The following KIF18B variants were observed in gnomAD, a reference collection of about 807,000 sequenced individuals.
KIF18B encodes the protein kinesin family member 18B.
A neutral mutation model predicts 80.9 loss-of-function variants in KIF18B; 49 were observed. That is an observed-to-expected ratio of 0.61 (90% CI 0.48 to 0.77). The LOEUF (loss-of-function observed/expected upper bound fraction) is 0.77, where lower values mean the gene tolerates loss of function less well. Ranked by LOEUF, KIF18B falls within the 30% of genes least tolerant of loss-of-function variation. The probability of loss-of-function intolerance (pLI) is 0.00; values close to 1 mark genes in which losing one functional copy is unlikely to be tolerated. For synonymous variants in KIF18B, 439 were observed against 463.9 expected, an observed-to-expected ratio of 0.95 and a Z score of 0.69; for missense variants, 994 against 1,127.7, an observed-to-expected ratio of 0.88 and a Z score of 1.70.
intron 1 of KIF18B, among the ~76,000 whole-genome samples, chr17:44,945,700 T>C (rs1160549057): frequency 1.3e-5 from 2 of 151,560 alleles, no homozygotes; most frequent in Non-Finnish European, 2.9e-5. Flanking sequence ...ACGTCAGGAG[T>C]TTGAGACCAG....
At position 44,934,658 on chromosome 17, in the gene KIF18B, G is replaced by T; in HGVS notation, c.577-41C>A. 1 of 1,499,478 alleles carries T rather than the reference G, an allele frequency of 6.7e-7. No homozygotes were observed. Among genetic ancestry groups the T allele is most frequent in the South Asian group, 1.3e-5 (1 of 77,540 alleles). 92.9% of individuals were successfully genotyped at this position (1,499,478 alleles called of 1,614,324 possible). On this transcript the variant is annotated intron_variant, in intron 4 of 15. Coordinates refer to ENST00000593135, the MANE Select transcript of KIF18B (RefSeq NM_001265577.2). The surrounding 1 kb of genome is among the most constrained non-coding windows in gnomAD (Gnocchi z 5.4). ...CCAGGAACGGGGCTGTGGGTTCCCG[G>T]ATCAGGACTTTTCCCCTAACAGGAA... is the stretch of plus-strand genomic sequence containing the variant.
intron 2 of KIF18B, among the ~76,000 whole-genome samples, 177 bp downstream of exon 2, chr17:44,935,855 A>G (rs1394110039): frequency 6.6e-6 from 1 of 152,162 alleles, no homozygotes. Context: ...TGCCTCCCCC[A>G]TAGACTGAAT....
chr17:44,931,320 C>T (rs2052140880), intron 11 of KIF18B, among the ~76,000 whole-genome samples: 2 of 152,196 alleles, frequency 1.3e-5, no homozygotes. Flanking sequence ...AAGCGTAAGC[C>T]CCAGCCGCCC....
Position 44,934,295 on chromosome 17 carries a change from C to A in KIF18B, c.823G>T (p.Ala275Ser). The A allele has an allele frequency of 6.2e-7, 1 of 1,612,726 alleles. No homozygotes were observed. The highest frequency in any genetic ancestry group is 2.2e-5 in the East Asian group (1 of 44,846). Residue 275 changes from alanine to serine, a missense_variant, in exon 6 of 16, where the codon GCC becomes TCC. Ala to Ser is a moderately conservative substitution (Grantham distance 99). Transcript: ENST00000593135. This position sits in a 1 kb window ranked among gnomAD's most constrained non-coding sequence, Gnocchi z 5.4. ...GCCAGCAGAGAGCGGTTGATGTTGG[C>A]CCCCTCCCGCAGCCGCTCCCCCTTC... ...HAKGERLREG[A>S]NINRSLLALI...
At chr17:44,932,453 T>TA in intron 9 of KIF18B, 1 of 593,956 alleles carries the variant, frequency 1.7e-6, no homozygotes. Flanking sequence ...TTCTCTCGAA[T>TA]AGTAGGCCCT....
In KIF18B at chr17:44,927,900, A is replaced by T; in HGVS notation, c.2276+126T>A. ...CTGGGGAGCAAAGCGGATCACAACC[A>T]AAGTGGAACAGATAGGAACCGTCCC... On this transcript the variant is annotated intron_variant, in intron 13 of 15. Transcript: ENST00000593135. This position sits in a 1 kb window ranked among gnomAD's most constrained non-coding sequence, Gnocchi z 4.1. 1.2e-6 allele frequency: 1 copy of T among 868,594 alleles called. No homozygotes were observed. The highest frequency in any genetic ancestry group is 1.6e-6 in the Non-Finnish European group (1 of 612,340). 53.8% of individuals were successfully genotyped at this position (868,594 alleles called of 1,614,324 possible).
Position 44,926,407 on chromosome 17 carries a change from CA to C in KIF18B, c.2452+6del. 6.4e-7 allele frequency: 1 copy of C among 1,567,864 alleles called. No individual in the cohort carries two copies. Among genetic ancestry groups the C allele is most frequent in the Non-Finnish European group, 8.6e-7 (1 of 1,156,464 alleles). On this transcript the variant is annotated splice_donor_region_variant and intron_variant, in intron 15 of 15. Coordinates refer to ENST00000593135, the MANE Select transcript of KIF18B (RefSeq NM_001265577.2). ...CCCAGGCTATCCCTGTCCCTAGTGC[CA>C]GTCACCTGGGAGTACAAGGGGCCCA...
chr17:44,943,548 TAGTG>T lies in KIF18B; in HGVS notation c.-15+4076_-15+4079del, dbSNP rs138354777. 3.4e-3 allele frequency among the ~76,000 whole-genome samples: 518 copies of T among 152,308 alleles called. 4 individuals are homozygous for T. Among genetic ancestry groups the T allele is most frequent in the African/African-American group, 0.012 (508 of 41,572 alleles). ...GCACAATATTGAATAAAAGCAGTAATAGTGAGTATCCTTGCCCCTTTCCTGATTT... is the reference window on the plus strand; with the variant it reads ...GCACAATATTGAATAAAAGCAGTAATAGTATCCTTGCCCCTTTCCTGATTT... On this transcript the variant is annotated intron_variant, in intron 1 of 15. Coordinates refer to ENST00000593135, the MANE Select transcript of KIF18B (RefSeq NM_001265577.2).
chr17:44,929,933 G>A (rs145939588), intron 11 of KIF18B, among the ~76,000 whole-genome samples: 2 of 152,260 alleles, frequency 1.3e-5, no homozygotes, highest in East Asian at 1.9e-4. Flanking sequence ...TTTTCTTTCT[G>A]TAAGGCACAC....
At position 44,928,472 on chromosome 17, in the gene KIF18B, C is replaced by A; in HGVS notation, c.1830G>T (p.Pro610=). ...GGGCTGGGGTGCAGTTGGGTCCAGG[C>A]GGGATTCCCAGGGTGTGCAGGGGGC... ...LSGPLHTLGI[P]PGPNCTPAQG... is the part of the protein sequence containing the mutation. The change falls in exon 13 of 16, where the codon CCG becomes CCT. Residue 610 remains proline (P), a synonymous_variant. Coordinates refer to ENST00000593135, the MANE Select transcript of KIF18B (RefSeq NM_001265577.2). The A allele has an allele frequency of 6.5e-7, 1 of 1,527,674 alleles. No homozygotes were observed. The highest frequency in any genetic ancestry group is 8.8e-7 in the Non-Finnish European group (1 of 1,142,118). 94.6% of individuals were successfully genotyped at this position (1,527,674 alleles called of 1,614,324 possible).
At position 44,934,469 on chromosome 17, in the gene KIF18B, CA is replaced by C. The variant is rs1375951059; in HGVS notation, c.687+37del. The C allele has an allele frequency of 5.6e-6, 9 of 1,605,030 alleles. No homozygotes were observed. Among genetic ancestry groups the C allele is most frequent in the Non-Finnish European group, 7.7e-6 (9 of 1,174,544 alleles). Reference sequence around the variant, plus strand: ...GCAGGGGTGAGGGGGAGATGGGCATCAGGGGCACTGGTTTCAGGCTCTGACC... The same window carrying C: ...GCAGGGGTGAGGGGGAGATGGGCATCGGGGCACTGGTTTCAGGCTCTGACC... On this transcript the variant is annotated intron_variant, in intron 5 of 15. Coordinates refer to ENST00000593135, the MANE Select transcript of KIF18B (RefSeq NM_001265577.2). This position sits in a 1 kb window ranked among gnomAD's most constrained non-coding sequence, Gnocchi z 5.4.
At position 44,928,376 on chromosome 17, in the gene KIF18B, G is replaced by A; in HGVS notation, c.1926C>T (p.Ala642=). 1 of 1,584,806 alleles carries A rather than the reference G, an allele frequency of 6.3e-7. No individual in the cohort carries two copies. Among genetic ancestry groups the A allele is most frequent in the Non-Finnish European group, 8.6e-7 (1 of 1,167,268 alleles). The change falls in exon 13 of 16, where the codon GCC becomes GCT. Residue 642 remains alanine (A), a synonymous_variant. Coordinates refer to ENST00000593135, the MANE Select transcript of KIF18B (RefSeq NM_001265577.2). ...PSALEADSPM[A]PKRGTKRQRQ... ...GCTGGCGCTTGGTGCCCCGCTTTGG[G>A]GCCATGGGACTGTCTGCCTCCAAGG...
chr17:44,943,256 C>T (rs77825251), intron 1 of KIF18B, among the ~76,000 whole-genome samples: 5,991 of 152,114 alleles, frequency 0.039, 154 homozygotes, highest in South Asian at 0.071. Flanking sequence ...CCCGCCACCA[C>T]GCCCGACTAA....
chr17:44,931,854 G>C (rs1218468969), intron 10 of KIF18B, 125 bp from the exon 11 acceptor site: 3 of 1,334,940 alleles, frequency 2.2e-6, no homozygotes, highest in Non-Finnish European at 3.1e-6. Flanking sequence ...ACCAGGTCCT[G>C]GTCACTTCCA....
At chr17:44,931,764 C>T in intron 10 of KIF18B, 35 bp from the exon 11 acceptor site, 14 of 1,607,724 alleles carry the variant, frequency 8.7e-6, no homozygotes, top group Non-Finnish European at 1.1e-5. Flanking sequence ...GTAGAGGGGC[C>T]AGGATGGCCT....
rs1170889965 is a variant in KIF18B, at chr17:44,932,054, A to G, written c.1389+2T>C. On this transcript the variant is annotated splice_donor_variant, in intron 10 of 15. Transcript: ENST00000593135. LOFTEE classifies it high-confidence loss of function. The stretch of plus-strand genomic sequence containing the variant: ...CCCAGGCCTCACACCCCCAAGTCCT[A>G]CCTCCTCAGCTGGGCCTTCATCCTC... The G allele has an allele frequency of 6.2e-7, 1 of 1,607,506 alleles. No homozygotes were observed. Among genetic ancestry groups the G allele is most frequent in the East Asian group, 2.2e-5 (1 of 44,706 alleles).
At chr17:44,941,538 C>T (rs1414080437) in intron 1 of KIF18B, among the ~76,000 whole-genome samples, 1 of 152,104 alleles carries the variant, frequency 6.6e-6, no homozygotes, top group Non-Finnish European at 1.5e-5. Flanking sequence ...GAGGTTTCAC[C>T]ATGTTGGCCA....
rs2052013556 is a variant in KIF18B, at chr17:44,925,854, A to G, written c.*226T>C. ...AGCACATTAACACTCACAAATGAATATGTACATGCCAAGAAGCTGAGTGTA... is the reference window on the plus strand; with the variant it reads ...AGCACATTAACACTCACAAATGAATGTGTACATGCCAAGAAGCTGAGTGTA... On this transcript the variant is annotated 3_prime_UTR_variant, in exon 16 of 16. Coordinates refer to ENST00000593135, the MANE Select transcript of KIF18B (RefSeq NM_001265577.2). 2 of 589,654 alleles carry G rather than the reference A, an allele frequency of 3.4e-6. No homozygotes were observed. The highest frequency in any genetic ancestry group is 3.1e-5 in the Admixed American group (1 of 31,998). 36.5% of individuals were successfully genotyped at this position (589,654 alleles called of 1,614,324 possible). A position where few individuals can be genotyped will look rare whatever the true frequency, so the allele number is the denominator to read the frequency against.
chr17:44,945,781 C>T (rs2052500126), intron 1 of KIF18B, among the ~76,000 whole-genome samples: 1 of 151,630 alleles, frequency 6.6e-6, no homozygotes. Flanking sequence ...TGGCGGGTGC[C>T]TGTAATGCCA....
Sources: allele counts gnomAD v4.1 joint callset (sites outside exome capture counted in the v4.1 genomes callset), GRCh38; gene constraint gnomAD v4.1.1; non-coding constraint Gnocchi (gnomAD v3.1); transcripts MANE v1.5; gene names NCBI Gene and HGNC (gene_info 2026-07-23, HGNC 2026-07-21).